TNIK: variants seen among roughly 807,000 people sequenced by gnomAD.
TNIK encodes the protein TRAF2 and NCK interacting kinase.
A neutral mutation model predicts 191.3 loss-of-function variants in TNIK; 49 were observed. The observed-to-expected ratio is 0.26, with a 90% CI of 0.20 to 0.32. The LOEUF (loss-of-function observed/expected upper bound fraction) is 0.32, where lower values mean the gene tolerates loss of function less well. Ranked by LOEUF, TNIK falls within the 10% of genes least tolerant of loss-of-function variation. TNIK has a pLI of 1.00. For synonymous variants in TNIK, 594 were observed against 600.9 expected, an observed-to-expected ratio of 0.99 and a Z score of 0.17; for missense variants, 1,155 against 1,702.3, an observed-to-expected ratio of 0.68 and a Z score of 5.66.
intron 2 of TNIK, among the ~76,000 whole-genome samples, chr3:171,322,605 A>C (rs75893598): frequency 0.041 from 6,241 of 152,216 alleles, 434 homozygotes; most frequent in African/African-American, 0.14. Context: ...TGTCACACGT[A>C]ACTTGAAAAC....
intron 2 of TNIK, among the ~76,000 whole-genome samples, chr3:171,345,984 GA>G (rs1712118305): frequency 1.3e-5 from 2 of 152,006 alleles, no homozygotes; most frequent in African/African-American, 2.4e-5. Flanking sequence ...AATGCTACGG[GA>G]AAAAAATTAA....
chr3:171,348,687 G>A (rs145049299), intron 2 of TNIK, among the ~76,000 whole-genome samples: 208 of 152,030 alleles, frequency 1.4e-3, no homozygotes, highest in African/African-American at 4.2e-3. Context: ...AGGGGCCCAC[G>A]GAGGCAAAAA....
intron 1 of TNIK, among the ~76,000 whole-genome samples, chr3:171,402,503 T>A (rs1432146424): frequency 6.6e-6 from 1 of 152,232 alleles, no homozygotes; most frequent in Non-Finnish European, 1.5e-5. Flanking sequence ...GGAACAGTAC[T>A]CACAGTTTCC....
Position 171,420,663 on chromosome 3 carries a change from T to C in TNIK, c.57+39344A>G, listed in dbSNP as rs146835464. Among the ~76,000 whole-genome samples, 21 of 152,312 alleles carry C rather than the reference T, an allele frequency of 1.4e-4. No individual in the cohort carries two copies. The East Asian group carries it at 3.1e-3, about 22-fold the overall frequency. ...TAAATTAAGCACAATGTGAGATTAGTAGCAATAACTAATAATAAAATAGAA... is the reference window on the plus strand; with the variant it reads ...TAAATTAAGCACAATGTGAGATTAGCAGCAATAACTAATAATAAAATAGAA... On this transcript the variant is annotated intron_variant, in intron 1 of 32. Transcript: ENST00000436636.
intron 32 of TNIK, among the ~76,000 whole-genome samples, 163 bp downstream of exon 32, chr3:171,066,019 ATATAT>A (rs1244494774): frequency 6.6e-6 from 1 of 152,244 alleles, no homozygotes; most frequent in Non-Finnish European, 1.5e-5. Context: ...CATGTGAATA[ATATAT>A]TGAGTGCTCA....
At chr3:171,340,459 G>A (rs1423453458) in intron 2 of TNIK, among the ~76,000 whole-genome samples, 1 of 152,188 alleles carries the variant, frequency 6.6e-6, no homozygotes, top group South Asian at 2.1e-4. Flanking sequence ...CAGGATGAGT[G>A]CAGTTTGAAT....
chr3:171,192,777 T>A (rs1448328589), intron 5 of TNIK, among the ~76,000 whole-genome samples: 1 of 152,108 alleles, frequency 6.6e-6, no homozygotes, highest in Non-Finnish European at 1.5e-5. Context: ...CAAAGTAAGT[T>A]TGCACAATGG....
intron 2 of TNIK, among the ~76,000 whole-genome samples, chr3:171,307,226 T>A (rs918896137): frequency 9.2e-5 from 14 of 152,044 alleles, no homozygotes; most frequent in African/African-American, 3.4e-4. Flanking sequence ...TGGCAAAAAT[T>A]GCCATTCTGT....
rs553927106 is a variant in TNIK, at chr3:171,173,882, G to A, written c.773+1370C>T. 9.1e-4 allele frequency among the ~76,000 whole-genome samples: 138 copies of A among 152,216 alleles called. 3 individuals are homozygous for A. The Middle Eastern group carries it at 0.01, about 11-fold the overall frequency. On this transcript the variant is annotated intron_variant, in intron 9 of 32. Transcript: ENST00000436636. ...TGTCACTTCCAGGGAAGAGAACTGC[G>A]CCAGTCCCTCTCCCCGGGAGTCTGA...
chr3:171,197,568 G>A (rs937692980), intron 4 of TNIK, among the ~76,000 whole-genome samples: 8 of 152,168 alleles, frequency 5.3e-5, no homozygotes, highest in Admixed American at 4.6e-4. Flanking sequence ...AGAAAGACAA[G>A]CAACCCAATT....
intron 4 of TNIK, 132 bp downstream of exon 4, chr3:171,210,984 T>G (rs774211859): frequency 4.4e-6 from 5 of 1,127,098 alleles, no homozygotes; most frequent in Non-Finnish European, 6.2e-6. Context: ...GAAAACAATA[T>G]GTTACGGACA....
intron 12 of TNIK, among the ~76,000 whole-genome samples, chr3:171,152,394 A>G (rs2108685847): frequency 6.6e-6 from 1 of 152,334 alleles, no homozygotes; most frequent in South Asian, 2.1e-4. Context: ...CAACACAAGC[A>G]TAAGGTGGGT....
intron 29 of TNIK, among the ~76,000 whole-genome samples, chr3:171,071,001 A>G (rs1719110715): frequency 6.6e-6 from 1 of 152,194 alleles, no homozygotes; most frequent in Non-Finnish European, 1.5e-5. Context: ...TGATTCATAG[A>G]TCTCAAGGAG....
intron 2 of TNIK, among the ~76,000 whole-genome samples, chr3:171,347,438 C>T (rs1306015566): frequency 3.0e-5 from 3 of 101,028 alleles, no homozygotes; most frequent in African/African-American, 8.0e-5. Context: ...GAGAAGCCAA[C>T]AGGCTACATT....
At chr3:171,251,831 A>C (rs995220588) in intron 2 of TNIK, among the ~76,000 whole-genome samples, 1 of 152,134 alleles carries the variant, frequency 6.6e-6, no homozygotes. Context: ...AGTATATTTA[A>C]TTTTTTACAT....
intron 2 of TNIK, among the ~76,000 whole-genome samples, chr3:171,346,514 G>A (rs1712217010): frequency 6.6e-6 from 1 of 152,108 alleles, no homozygotes; most frequent in South Asian, 2.1e-4. Flanking sequence ...GAATACTGTG[G>A]TAAGCAAAGT....
chr3:171,220,648 T>C (rs980716677), intron 3 of TNIK, among the ~76,000 whole-genome samples: 1 of 152,242 alleles, frequency 6.6e-6, no homozygotes, highest in South Asian at 2.1e-4. Context: ...GCCCCGTCAG[T>C]GATTCCAAGC....
In TNIK at chr3:171,068,936, C is replaced by A. The variant is rs1718821152; in HGVS notation, c.3611G>T (p.Arg1204Ile). 6.2e-7 allele frequency: 1 copy of A among 1,613,848 alleles called. No individual in the cohort carries two copies. Among genetic ancestry groups the A allele is most frequent in the Non-Finnish European group, 8.5e-7 (1 of 1,179,810 alleles). The change falls in exon 30 of 33, where the codon AGA (arginine) becomes ATA (isoleucine). Residue 1204 changes from arginine to isoleucine, a missense_variant. Arg to Ile is a moderately conservative substitution (Grantham distance 97). This residue lies in a region of TNIK where 195 missense variants were observed against 415.4 expected (regional missense o/e 0.47). Transcript: ENST00000436636. ...LVDLTVEEGQ[R>I]LKVIFGSHTG... ...GTGTGAACCAAAAATAACCTTTAAT[C>A]TTTGACCTTCTTCTACCGTGAGATC...
At chr3:171,344,270 A>G (rs1490524341) in intron 2 of TNIK, among the ~76,000 whole-genome samples, 1 of 152,208 alleles carries the variant, frequency 6.6e-6, no homozygotes, top group African/African-American at 2.4e-5. Context: ...CCCAAAGGAC[A>G]AGATTTGACC....
Sources: gnomAD v4.1 joint callset for allele counts (sites outside exome capture counted in the v4.1 genomes callset) on GRCh38, gnomAD v4.1.1 for gene constraint, gnomAD v4.1.1 regional missense constraint, MANE v1.5 for transcripts, NCBI Gene and HGNC (gene_info 2026-07-23, HGNC 2026-07-21) for gene names.